APC: variants seen among roughly 807,000 people sequenced by gnomAD.
The protein encoded by APC is APC regulator of Wnt signaling pathway, also known as adenomatous polyposis coli protein.
A neutral mutation model predicts 247.0 loss-of-function variants in APC; 72 were observed. That is an observed-to-expected ratio of 0.29 (90% CI 0.24 to 0.35). The LOEUF (loss-of-function observed/expected upper bound fraction) is 0.35. APC is among the 10% of genes least tolerant of loss of function. APC has a pLI of 1.00. For missense variants in APC, 3,400 were observed against 3,360.7 expected, an observed-to-expected ratio of 1.01 and a Z score of -0.29; for synonymous variants, 1,254 against 1,162.5, an observed-to-expected ratio of 1.08 and a Z score of -1.60.
chr5:112,755,197 T>G, intron 2 of APC, 172 bp downstream of exon 2: 3 of 494,460 alleles, frequency 6.1e-6, no homozygotes, highest in Non-Finnish European at 7.9e-6. Flanking sequence ...TATATTGAAT[T>G]CATTCAGTGA....
chr5:112,712,678 C>T lies in APC; in HGVS notation c.165+4796C>T, dbSNP rs542469217. On this transcript the variant is annotated intron_variant, in intron 1 of 13. Coordinates refer to the APC transcript ENST00000507379. ...GTGCTGGGACTGCAGGCATGAGCCACTGCACCCAGCAGCATGTGCGCGTTT... is the reference window on the plus strand; with the variant it reads ...GTGCTGGGACTGCAGGCATGAGCCATTGCACCCAGCAGCATGTGCGCGTTT... Among the ~76,000 whole-genome samples the T allele has an allele frequency of 2.6e-5, 4 of 152,184 alleles. No homozygotes were observed. In the South Asian group the frequency reaches 8.3e-4, roughly 32 times the overall value.
intron 6 of APC, among the ~76,000 whole-genome samples, chr5:112,791,407 AG>A: frequency 6.6e-6 from 1 of 152,220 alleles, no homozygotes. Context: ...TGTTTAAACC[AG>A]GGGTCCCCAG....
intron 4 of APC, among the ~76,000 whole-genome samples, chr5:112,772,130 C>G (rs1163828105): frequency 6.6e-6 from 1 of 152,170 alleles, no homozygotes; most frequent in Non-Finnish European, 1.5e-5. Flanking sequence ...CCATGCTCTT[C>G]TAGGTGACCC....
intron 5 of APC, chr5:112,778,168 A>G (rs1186748147): frequency 1.9e-5 from 4 of 209,482 alleles, no homozygotes; most frequent in African/African-American, 4.7e-5. Flanking sequence ...ATTTTTTGCA[A>G]TGTAGTTTTA....
chr5:112,791,163 A>G (rs1759540226), intron 6 of APC, among the ~76,000 whole-genome samples: 1 of 152,212 alleles, frequency 6.6e-6, no homozygotes, highest in Admixed American at 6.5e-5. Context: ...AAAAACACAC[A>G]CACACACACA....
At chr5:112,785,572 T>G (rs1182889880) in intron 6 of APC, among the ~76,000 whole-genome samples, 1 of 152,166 alleles carries the variant, frequency 6.6e-6, no homozygotes, top group African/African-American at 2.4e-5. Context: ...AATTGAAGAT[T>G]TACCTTACCA....
At chr5:112,765,284 T>A (rs1581156385) in intron 2 of APC, among the ~76,000 whole-genome samples, 1 of 152,128 alleles carries the variant, frequency 6.6e-6, no homozygotes, top group Admixed American at 6.5e-5. Flanking sequence ...TTTGTTTGTT[T>A]TTTTAATTTT....
At chr5:112,783,393 A>C (rs1758563148) in intron 6 of APC, among the ~76,000 whole-genome samples, 1 of 152,176 alleles carries the variant, frequency 6.6e-6, no homozygotes, top group South Asian at 2.1e-4. Flanking sequence ...GGTTAAGGTT[A>C]AAGAAATTGT....
At position 112,841,534 on chromosome 5, in the gene APC, C is replaced by A. The variant is rs147598747; in HGVS notation, c.5940C>A (p.Asn1980Lys). 1 of 1,613,802 alleles carries A rather than the reference C, an allele frequency of 6.2e-7. No individual in the cohort carries two copies. Among genetic ancestry groups the A allele is most frequent in the African/African-American group, 1.3e-5 (1 of 74,902 alleles). ...TCAGTGACATTGACCAAGAAAACAACAATAAAGAAAATGAACCTATCAAAG... is the reference window on the plus strand; with the variant it reads ...TCAGTGACATTGACCAAGAAAACAAAAATAAAGAAAATGAACCTATCAAAG... ...SSLSDIDQEN[N>K]NKENEPIKET... Residue 1980 changes from asparagine (N) to lysine (K), a missense_variant, in exon 16 of 16, where the codon AAC (asparagine) becomes AAA (lysine). Coordinates refer to ENST00000257430, the MANE Select transcript of APC (RefSeq NM_000038.6). This position sits in a 1 kb window ranked among gnomAD's most constrained non-coding sequence, Gnocchi z 4.6.
At chr5:112,801,179 T>C in intron 7 of APC, 100 bp from the exon 8 acceptor site, 1 of 793,748 alleles carries the variant, frequency 1.3e-6, no homozygotes, top group Non-Finnish European at 2.1e-6. Context: ...TCTGTATAAT[T>C]GATGCATTCA....
chr5:112,718,348 A>G (rs1751296166), intron 1 of APC, among the ~76,000 whole-genome samples: 1 of 152,196 alleles, frequency 6.6e-6, no homozygotes. Context: ...GTGTGAGAAC[A>G]TCTTAATGAA....
At chr5:112,732,439 T>G (rs976321534) in intron 1 of APC, among the ~76,000 whole-genome samples, 33 of 152,196 alleles carry the variant, frequency 2.2e-4, no homozygotes, top group African/African-American at 7.2e-4. Context: ...ATCACAACAT[T>G]TGTTTTTCCA....
chr5:112,737,903 G>T lies in APC; in HGVS notation c.-41G>T. 1 of 985,804 alleles carries T rather than the reference G, an allele frequency of 1.0e-6. No homozygotes were observed. 61.1% of individuals were successfully genotyped at this position (985,804 alleles called of 1,614,324 possible). A position where few individuals can be genotyped will look rare whatever the true frequency, so the allele number is the denominator to read the frequency against. ...GGGTGTCACTGGAGACAGAATGGAG[G>T]TGCTGCCGGACTCGGAAATGGGGTA... On this transcript the variant is annotated 5_prime_UTR_variant, in exon 1 of 16. Coordinates refer to ENST00000257430, the MANE Select transcript of APC (RefSeq NM_000038.6).
intron 6 of APC, among the ~76,000 whole-genome samples, chr5:112,782,194 A>AAG (rs1299266737): frequency 6.6e-6 from 1 of 152,102 alleles, no homozygotes; most frequent in Non-Finnish European, 1.5e-5. Flanking sequence ...GCAGCAGGCA[A>AAG]AGAGAGAGAG....
chr5:112,754,466 A>G (rs371351163), intron 1 of APC, among the ~76,000 whole-genome samples: 5 of 152,274 alleles, frequency 3.3e-5, no homozygotes, highest in African/African-American at 1.2e-4. Context: ...TTCTGTGACT[A>G]TCAGATAAAA....
chr5:112,770,014 G>C (rs988020977), intron 4 of APC, among the ~76,000 whole-genome samples: 3 of 152,190 alleles, frequency 2.0e-5, no homozygotes, highest in Non-Finnish European at 4.4e-5. Flanking sequence ...TTAAGAGGCA[G>C]AGGGCATGCA....
intron 2 of APC, among the ~76,000 whole-genome samples, chr5:112,765,109 T>C (rs1756128581): frequency 6.6e-6 from 1 of 152,148 alleles, no homozygotes. Flanking sequence ...GCGATTTCTT[T>C]GTTTCTGTTT....
chr5:112,726,063 A>G (rs1283051567), intron 1 of APC, among the ~76,000 whole-genome samples: 2 of 152,180 alleles, frequency 1.3e-5, no homozygotes, highest in African/African-American at 4.8e-5. Context: ...GGGAGCACAC[A>G]GACGGGCAGG....
intron 2 of APC, among the ~76,000 whole-genome samples, chr5:112,758,484 G>C (rs1445286174): frequency 1.3e-5 from 2 of 152,088 alleles, no homozygotes; most frequent in African/African-American, 4.8e-5. Flanking sequence ...GCACCACCAC[G>C]CCCGGCTAAT....
Sources: allele counts gnomAD v4.1 joint callset (sites outside exome capture counted in the v4.1 genomes callset), GRCh38; gene constraint gnomAD v4.1.1; non-coding constraint Gnocchi (gnomAD v3.1); transcripts MANE v1.5; gene names NCBI Gene and HGNC (gene_info 2026-07-23, HGNC 2026-07-21).